Variants in PUM3 observed in about 807,000 individuals in gnomAD.
PUM3 encodes the protein pumilio homolog 3.
A neutral mutation model predicts 84.0 loss-of-function variants in PUM3; 91 were observed. The observed-to-expected ratio is 1.08, with a 90% CI of 0.91 to 1.29. The LOEUF is 1.29. Ranked by LOEUF, PUM3 falls within the 50% of genes most tolerant of loss-of-function variation. The pLI, the probability that PUM3 is intolerant of heterozygous loss-of-function variation, is 0.00. For synonymous variants in PUM3, 321 were observed against 266.7 expected (o/e 1.20, Z -1.98); for missense variants, 1,067 against 767.5 (o/e 1.39, Z -4.61).
chr9:2,807,821 G>T lies in PUM3; in HGVS notation c.1807C>A (p.Leu603Ile). 6.2e-7 allele frequency: 1 copy of T among 1,604,122 alleles called. No individual in the cohort carries two copies. Among genetic ancestry groups the T allele is most frequent in the Non-Finnish European group, 8.5e-7 (1 of 1,173,792 alleles). The stretch of plus-strand genomic sequence containing the variant: ...GGCACATGTTATACATACCTAGAAA[G>T]AATAATGGCACCTCGATTTACACTA... ...WASVNRGAII[L>I]SSLLQSCDLE... Residue 603 changes from leucine (L) to isoleucine (I), a missense_variant, in exon 17 of 18, where the codon CTT becomes ATT. Coordinates refer to ENST00000397885, the MANE Select transcript of PUM3 (RefSeq NM_014878.5).
In PUM3 at chr9:2,811,598, G is replaced by C. The variant is rs1327736219; in HGVS notation, c.1413-15C>G. Reference sequence around the variant, plus strand: ...TATCTTTCTTACTGTTGAGTATGTTGAACGGGGTATTAAGGTAAGATAAAT... The same window carrying C: ...TATCTTTCTTACTGTTGAGTATGTTCAACGGGGTATTAAGGTAAGATAAAT... On this transcript the variant is annotated splice_polypyrimidine_tract_variant and intron_variant, in intron 14 of 17. Transcript: ENST00000397885. 4 of 1,590,502 alleles carry C rather than the reference G, an allele frequency of 2.5e-6. No homozygotes were observed. The East Asian group carries it at 6.7e-5, about 27-fold the overall frequency.
At chr9:2,812,497 T>A in intron 13 of PUM3, 135 bp from the exon 14 acceptor site, 2 of 629,358 alleles carry the variant, frequency 3.2e-6, no homozygotes, top group Non-Finnish European at 5.4e-6. Context: ...TTATAGTATA[T>A]GTGCTGCCAA....
chr9:2,811,034 T>C (rs150451613), intron 15 of PUM3, among the ~76,000 whole-genome samples: 3 of 152,326 alleles, frequency 2.0e-5, no homozygotes, highest in South Asian at 2.1e-4. Context: ...TTTGTTAATA[T>C]GGTCAGGAGC....
At chr9:2,824,049 G>A (rs1005967107) in intron 11 of PUM3, among the ~76,000 whole-genome samples, 5 of 151,258 alleles carry the variant, frequency 3.3e-5, no homozygotes, top group Non-Finnish European at 5.9e-5. Context: ...ATGTGATAGG[G>A]TTAGGGTTAG....
chr9:2,813,653 T>C (rs1241372888), intron 13 of PUM3, among the ~76,000 whole-genome samples: 1 of 152,212 alleles, frequency 6.6e-6, no homozygotes, highest in East Asian at 1.9e-4. Context: ...TTTATTATGA[T>C]GAGATTAGTA....
chr9:2,816,255 A>G (rs563731589), intron 13 of PUM3, among the ~76,000 whole-genome samples: 123 of 152,334 alleles, frequency 8.1e-4, no homozygotes, highest in African/African-American at 2.8e-3. Context: ...GATTTAACTA[A>G]TGGATAACAG....
intron 8 of PUM3, 51 bp from the exon 9 acceptor site, chr9:2,828,829 A>G (rs1425260418): frequency 2.0e-6 from 2 of 1,023,918 alleles, no homozygotes; most frequent in Non-Finnish European, 3.0e-6. Flanking sequence ...CAATTTTTTC[A>G]CTTCAGGAAA....
At chr9:2,818,939 T>C (rs1424329302) in intron 13 of PUM3, among the ~76,000 whole-genome samples, 6 of 152,216 alleles carry the variant, frequency 3.9e-5, no homozygotes, top group African/African-American at 1.4e-4. Context: ...CACCACCACC[T>C]GACAACAGGT....
intron 17 of PUM3, 61 bp downstream of exon 17, chr9:2,807,752 GA>G: frequency 9.6e-7 from 1 of 1,036,984 alleles, no homozygotes; most frequent in South Asian, 1.3e-5. Flanking sequence ...AAATCAACGT[GA>G]AGGAAGTGTG....
chr9:2,804,230 C>T lies in PUM3; in HGVS notation c.*101G>A. The T allele has an allele frequency of 8.7e-7, 1 of 1,143,242 alleles. No individual in the cohort carries two copies. Among genetic ancestry groups the T allele is most frequent in the Admixed American group, 2.3e-5 (1 of 43,270 alleles). The allele number at this position is 1,143,242 out of a possible 1,614,324, so 70.8% of individuals were successfully genotyped here. On this transcript the variant is annotated 3_prime_UTR_variant, in exon 18 of 18. Transcript: ENST00000397885. ...AAGAAGAAACACATATACAGAGTAC[C>T]CCAATTACCAGTATGGTGGACCCTA...
chr9:2,837,651 C>T lies in PUM3; in HGVS notation c.83-250G>A, dbSNP rs138809815. On this transcript the variant is annotated intron_variant, in intron 2 of 17. Coordinates refer to ENST00000397885, the MANE Select transcript of PUM3 (RefSeq NM_014878.5). Reference sequence around the variant, plus strand: ...AAAATAAAAGCTACCCATGATTCTACCACTAAAGATAAACACTGGTGTCAG... The same window carrying T: ...AAAATAAAAGCTACCCATGATTCTATCACTAAAGATAAACACTGGTGTCAG... Among the ~76,000 whole-genome samples the T allele has an allele frequency of 6.9e-3, 1,051 of 152,190 alleles. 7 individuals are homozygous for T. The highest frequency in any genetic ancestry group is 0.034 in the Middle Eastern group (10 of 294).
intron 11 of PUM3, 36 bp from the exon 12 acceptor site, chr9:2,823,870 TTATG>T (rs1453522797): frequency 8.4e-7 from 1 of 1,194,390 alleles, no homozygotes; most frequent in African/African-American, 1.5e-5. Context: ...GAATTTTCAG[TTATG>T]TATTAAGGGT....
intron 17 of PUM3, among the ~76,000 whole-genome samples, chr9:2,806,210 C>A (rs544519139): frequency 1.3e-5 from 2 of 152,306 alleles, no homozygotes; most frequent in South Asian, 4.1e-4. Flanking sequence ...AAGAATGTGT[C>A]AGTAGGTGTT....
At chr9:2,810,822 G>T (rs1174791273) in intron 15 of PUM3, among the ~76,000 whole-genome samples, 3 of 152,164 alleles carry the variant, frequency 2.0e-5, no homozygotes, top group African/African-American at 7.2e-5. Context: ...ACCCAATGCT[G>T]CATGCTGTTT....
At chr9:2,824,865 T>C in intron 10 of PUM3, 50 bp from the exon 11 acceptor site, 4 of 1,307,854 alleles carry the variant, frequency 3.1e-6, no homozygotes, top group African/African-American at 1.5e-5. Flanking sequence ...TTTTCTTCTT[T>C]CTACTGTTTT....
At chr9:2,813,438 C>T (rs896261777) in intron 13 of PUM3, among the ~76,000 whole-genome samples, 2 of 152,136 alleles carry the variant, frequency 1.3e-5, no homozygotes, top group Admixed American at 6.5e-5. Context: ...GGCTGGGCCT[C>T]GGAAAGAGTT....
intron 16 of PUM3, among the ~76,000 whole-genome samples, chr9:2,809,519 G>T (rs1821323173): frequency 6.6e-6 from 1 of 152,170 alleles, no homozygotes; most frequent in Non-Finnish European, 1.5e-5. Flanking sequence ...AAGGTGAGAA[G>T]TGACAGCTCT....
At chr9:2,840,259 C>T (rs1396396645) in intron 1 of PUM3, among the ~76,000 whole-genome samples, 5 of 152,186 alleles carry the variant, frequency 3.3e-5, no homozygotes, top group Admixed American at 1.3e-4. Context: ...GCCACTTTAA[C>T]CTTTCCATCT....
rs71329449 is a variant in PUM3 at position 2,807,600 on chromosome 9, CAAAAAAAAAAA to C, written c.1814+203_1814+213del. ...CCTGGGTGACAGTGAGACTCCATCTCAAAAAAAAAAAAAAAAAAAAAAAAGATTCCTAAGGA... is the reference window on the plus strand; with the variant it reads ...CCTGGGTGACAGTGAGACTCCATCTCAAAAAAAAAAAAAGATTCCTAAGGA... On this transcript the variant is annotated intron_variant, in intron 17 of 17. Transcript: ENST00000397885. Among the ~76,000 whole-genome samples the C allele has an allele frequency of 2.2e-4, 15 of 67,116 alleles. 1 individual carries two copies. The highest frequency in any genetic ancestry group is 1.6e-3 in the East Asian group (3 of 1,868). The allele number at this position is 67,116 out of a possible 152,430, so 44.0% of individuals were successfully genotyped here.
Sources: gnomAD v4.1 joint callset for allele counts (sites outside exome capture counted in the v4.1 genomes callset) on GRCh38, gnomAD v4.1.1 for gene constraint, MANE v1.5 for transcripts, NCBI Gene and HGNC (gene_info 2026-07-23, HGNC 2026-07-21) for gene names.